TACR1: variants seen among roughly 807,000 people sequenced by gnomAD.
TACR1 encodes the protein substance-P receptor.
A neutral mutation model predicts 35.8 loss-of-function variants in TACR1; 25 were observed. The observed-to-expected ratio is 0.70, with a 90% CI of 0.51 to 0.98. The LOEUF is 0.98. Among genes scored for constraint, TACR1 ranks in the 50% least tolerant of loss-of-function variants. The pLI is 0.00. For missense variants in TACR1, 478 were observed against 522.9 expected (o/e 0.91, Z 0.84); for synonymous variants, 195 against 206.7 (o/e 0.94, Z 0.48).
chr2:75,169,373 A>G (rs959342300), intron 1 of TACR1, among the ~76,000 whole-genome samples: 1 of 152,140 alleles, frequency 6.6e-6, no homozygotes, highest in Non-Finnish European at 1.5e-5. Context: ...TACTCTCAAA[A>G]CCTTGCATAT....
intron 1 of TACR1, among the ~76,000 whole-genome samples, chr2:75,135,771 A>G (rs1392426989): frequency 6.6e-6 from 1 of 152,152 alleles, no homozygotes; most frequent in East Asian, 1.9e-4. Flanking sequence ...TAAATGGGGC[A>G]CTAACACCCA....
At chr2:75,156,702 G>T (rs1674868291) in intron 1 of TACR1, among the ~76,000 whole-genome samples, 1 of 151,978 alleles carries the variant, frequency 6.6e-6, no homozygotes. Context: ...CTACATAACA[G>T]TGAGAAAATA....
At chr2:75,092,619 A>T (rs1319128270) in intron 2 of TACR1, among the ~76,000 whole-genome samples, 1 of 152,046 alleles carries the variant, frequency 6.6e-6, no homozygotes, top group Non-Finnish European at 1.5e-5. Context: ...TGAGCCTCCT[A>T]TGGTCAGAAT....
chr2:75,066,695 T>C (rs750506375), intron 2 of TACR1, among the ~76,000 whole-genome samples: 1 of 152,230 alleles, frequency 6.6e-6, no homozygotes, highest in Non-Finnish European at 1.5e-5. Context: ...CTACTTTCTT[T>C]TCTTAGCCAA....
chr2:75,094,241 G>A (rs1203321142), intron 2 of TACR1, among the ~76,000 whole-genome samples: 1 of 152,266 alleles, frequency 6.6e-6, no homozygotes. Flanking sequence ...GAGAGTTAAA[G>A]CATTGTTCCA....
At chr2:75,188,364 C>T (rs574329370) in intron 1 of TACR1, 1 of 152,302 alleles carries the variant, frequency 6.6e-6, no homozygotes, top group African/African-American at 2.4e-5. Flanking sequence ...CCTCACGTGC[C>T]ACTCAATGTG....
chr2:75,091,083 G>T (rs1480107571), intron 2 of TACR1, among the ~76,000 whole-genome samples: 1 of 150,112 alleles, frequency 6.7e-6, no homozygotes, highest in Non-Finnish European at 1.5e-5. Context: ...TCTTGGCTCG[G>T]TTTGCATCAA....
intron 2 of TACR1, among the ~76,000 whole-genome samples, chr2:75,111,272 T>G (rs1367783191): frequency 6.6e-6 from 1 of 152,054 alleles, no homozygotes; most frequent in Non-Finnish European, 1.5e-5. Flanking sequence ...GGTTATGCAT[T>G]GAAAGCCTCT....
intron 2 of TACR1, among the ~76,000 whole-genome samples, chr2:75,087,775 T>A (rs1015860474): frequency 6.6e-6 from 1 of 152,240 alleles, no homozygotes. Context: ...ATAACTGGTC[T>A]ATCCCCTTGG....
chr2:75,060,692 T>C (rs3755456), intron 2 of TACR1, among the ~76,000 whole-genome samples: 20,093 of 152,202 alleles, frequency 0.13, 1,649 homozygotes, highest in South Asian at 0.24. Flanking sequence ...AGAATGAACA[T>C]GGTCAGATAC....
At chr2:75,103,165 A>G (rs1673572225) in intron 2 of TACR1, among the ~76,000 whole-genome samples, 1 of 152,194 alleles carries the variant, frequency 6.6e-6, no homozygotes, top group South Asian at 2.1e-4. Context: ...TAACAATAAT[A>G]TACCTAGAGC....
At chr2:75,107,930 A>G (rs1384484371) in intron 2 of TACR1, among the ~76,000 whole-genome samples, 3 of 150,200 alleles carry the variant, frequency 2.0e-5, no homozygotes, top group Middle Eastern at 3.4e-3. Flanking sequence ...GAGGAAGTAG[A>G]AATTAAAAAT....
intron 1 of TACR1, among the ~76,000 whole-genome samples, chr2:75,162,447 G>C (rs1405353751): frequency 6.6e-6 from 1 of 152,208 alleles, no homozygotes; most frequent in Non-Finnish European, 1.5e-5. Context: ...AAGAGTGCCA[G>C]TGCCTTCATA....
intron 2 of TACR1, among the ~76,000 whole-genome samples, chr2:75,070,919 A>G (rs1306327604): frequency 6.6e-6 from 1 of 152,182 alleles, no homozygotes; most frequent in Admixed American, 6.5e-5. Context: ...CTGTTTTTAT[A>G]TGGCTTGCAA....
chr2:75,144,118 A>G (rs925445267), intron 1 of TACR1, among the ~76,000 whole-genome samples: 1 of 152,230 alleles, frequency 6.6e-6, no homozygotes, highest in Non-Finnish European at 1.5e-5. Context: ...CCTAACTTTC[A>G]GCCGTAGGGT....
intron 1 of TACR1, among the ~76,000 whole-genome samples, chr2:75,141,724 A>C (rs529885661): frequency 6.6e-6 from 1 of 152,346 alleles, no homozygotes; most frequent in South Asian, 2.1e-4. Context: ...TCTTTCCCCA[A>C]AAAGGACTTA....
chr2:75,113,504 C>T (rs1215031084), intron 2 of TACR1, among the ~76,000 whole-genome samples: 1 of 145,500 alleles, frequency 6.9e-6, no homozygotes, highest in Non-Finnish European at 1.5e-5. Flanking sequence ...TCTGCAGTAA[C>T]GTTGGCTTTC....
intron 2 of TACR1, among the ~76,000 whole-genome samples, chr2:75,120,166 TGAGAGCTGCTGG>T (rs1673938548): frequency 6.6e-6 from 1 of 152,148 alleles, no homozygotes; most frequent in Admixed American, 6.5e-5. Context: ...CAATCATTGT[TGAGAGCTGCTGG>T]GAGTGGGAGG....
chr2:75,192,188 C>T (rs1213357504), intron 1 of TACR1, among the ~76,000 whole-genome samples: 1 of 151,846 alleles, frequency 6.6e-6, no homozygotes, highest in African/African-American at 2.4e-5. Flanking sequence ...TTTAAGAGGG[C>T]CATTAACAAA....
Sources: gnomAD v4.1 joint callset for allele counts (sites outside exome capture counted in the v4.1 genomes callset) on GRCh38, gnomAD v4.1.1 for gene constraint, MANE v1.5 for transcripts, NCBI Gene and HGNC (gene_info 2026-07-23, HGNC 2026-07-21) for gene names.